POLL: variants seen among roughly 807,000 people sequenced by gnomAD.
POLL encodes DNA polymerase beta-2.
In POLL, 44 loss-of-function variants were observed where a neutral mutation model predicts 58.1. The ratio of observed to expected loss-of-function variants is 0.76; its 90% CI spans 0.60 to 0.97. POLL has a LOEUF of 0.97. Ranked by LOEUF, POLL falls within the 50% of genes least tolerant of loss-of-function variation. POLL has a pLI of 0.00. For missense variants in POLL, 632 were observed against 736.8 expected (o/e 0.86, Z 1.65); for synonymous variants, 290 against 283.2 (o/e 1.02, Z -0.24).
Position 101,579,652 on chromosome 10 carries a change from G to A in POLL, c.1529C>T (p.Ala510Val). 1 of 1,613,954 alleles carries A rather than the reference G, an allele frequency of 6.2e-7. No individual in the cohort carries two copies. Among genetic ancestry groups the A allele is most frequent in the Non-Finnish European group, 8.5e-7 (1 of 1,180,010 alleles). ...ACALLYFTGS[A>V]HFNRSMRALA... ...GGCTCGCATGGAGCGGTTGAAGTGT[G>A]CAGAGCCGGTGAAGTAGAGCAGGGC... The change falls in exon 9 of 9, where the codon GCA becomes GTA. Residue 510 changes from alanine (A) to valine (V), a missense_variant. Transcript: ENST00000370162. The surrounding 1 kb of genome is among the most constrained non-coding windows in gnomAD (Gnocchi z 4.4).
chr10:101,587,744 G>C, intron 1 of POLL, 78 bp downstream of exon 1: 1 of 1,183,304 alleles, frequency 8.5e-7, no homozygotes, highest in Non-Finnish European at 1.1e-6. Context: ...GGGATGCTGG[G>C]CTAGGAAATG....
intron 1 of POLL, 76 bp from the exon 2 acceptor site, chr10:101,587,482 T>C (rs1434582205): frequency 7.2e-7 from 1 of 1,383,932 alleles, no homozygotes; most frequent in Non-Finnish European, 9.5e-7. Flanking sequence ...GACCAGGCTT[T>C]GGGGGTAGCA....
rs1042601321 is a variant in POLL at position 101,586,076 on chromosome 10, C to T, written c.196G>A (p.Val66Ile). ...GGGCATAGCTGGCCGCCATGCTGAA[C>T]AATCTGCTTCTCAAAGAGTTCTGCC... is the stretch of plus-strand genomic sequence containing the variant. ...ARAELFEKQI[V>I]QHGGQLCPAQ... is the part of the protein sequence containing the mutation. Residue 66 changes from valine to isoleucine, a missense_variant, in exon 3 of 9, where the codon GTT becomes ATT. Val to Ile is a conservative substitution (Grantham distance 29). Transcript: ENST00000370162. 1.2e-6 allele frequency: 2 copies of T among 1,613,968 alleles called. No homozygotes were observed. The highest frequency in any genetic ancestry group is 1.3e-5 in the African/African-American group (1 of 74,942).
chr10:101,586,124 G>C lies in POLL; in HGVS notation c.148C>G (p.Arg50Gly), dbSNP rs746365299. 1 of 1,613,492 alleles carries C rather than the reference G, an allele frequency of 6.2e-7. No homozygotes were observed. Among genetic ancestry groups the C allele is most frequent in the Admixed American group, 1.7e-5 (1 of 60,024 alleles). ...GCCCGGGCTCGTCCAATGCCAGTGC[G>C]CACAACATGGGCCCGAAGGGAGCTC... ...WLSSLRAHVV[R>G]TGIGRARAEL... The change falls in exon 3 of 9, where the codon CGC becomes GGC. Residue 50 changes from arginine (R) to glycine (G), a missense_variant. Transcript: ENST00000370162.
rs986675581 is a variant in POLL, at chr10:101,580,475, C to T, written c.1195-59G>A. On this transcript the variant is annotated intron_variant, in intron 7 of 8. Coordinates refer to ENST00000370162, the MANE Select transcript of POLL (RefSeq NM_001174084.2). This position sits in a 1 kb window ranked among gnomAD's most constrained non-coding sequence, Gnocchi z 4.1. ...TGCGTGGGGAGCTCCTCTCCCACAG[C>T]AGTACAAGGGCCTTCCCAGACTCGG... 4 of 1,521,814 alleles carry T rather than the reference C, an allele frequency of 2.6e-6. No homozygotes were observed. Among genetic ancestry groups the T allele is most frequent in the Non-Finnish European group, 3.6e-6 (4 of 1,105,982 alleles). 94.3% of individuals were successfully genotyped at this position (1,521,814 alleles called of 1,614,324 possible). A position where few individuals can be genotyped will look rare whatever the true frequency, so the allele number is the denominator to read the frequency against.
At chr10:101,583,168 C>A in intron 6 of POLL, 1 of 602,330 alleles carries the variant, frequency 1.7e-6, no homozygotes, top group Non-Finnish European at 3.0e-6. Flanking sequence ...TACCAAGCTG[C>A]CCTGGTGATT....
At position 101,582,772 on chromosome 10, in the gene POLL, A is replaced by C; in HGVS notation, c.1185T>G (p.Ile395Met). ...TGGGACACCTGCTTACTGTCTGCTCAATCTCTGTAGCCTCCTCCCTGGGCA... is the reference window on the plus strand; with the variant it reads ...TGGGACACCTGCTTACTGTCTGCTCCATCTCTGTAGCCTCCTCCCTGGGCA... ...ERMPREEATEIEQTVQKAAQA... is the reference protein window; with the variant it reads ...ERMPREEATEMEQTVQKAAQA... The change falls in exon 7 of 9, where the codon ATT (isoleucine) becomes ATG (methionine). Residue 395 changes from isoleucine to methionine, a missense_variant. Physicochemically the swap from Ile to Met is conservative, Grantham distance 10. Coordinates refer to ENST00000370162, the MANE Select transcript of POLL (RefSeq NM_001174084.2). 1.2e-6 allele frequency: 2 copies of C among 1,614,068 alleles called. No individual in the cohort carries two copies. Among genetic ancestry groups the C allele is most frequent in the East Asian group, 2.2e-5 (1 of 44,888 alleles).
At chr10:101,587,018 CTT>C (rs1424564462) in intron 2 of POLL, 4 of 822,936 alleles carry the variant, frequency 4.9e-6, no homozygotes, top group Non-Finnish European at 7.7e-6. Context: ...CCCAGGGAGT[CTT>C]TTCTGATGGA....
In POLL at chr10:101,579,360, C is replaced by G; in HGVS notation, c.*93G>C. 7.0e-7 allele frequency: 1 copy of G among 1,434,420 alleles called. No homozygotes were observed. The highest frequency in any genetic ancestry group is 9.3e-7 in the Non-Finnish European group (1 of 1,071,058). 88.9% of individuals were successfully genotyped at this position (1,434,420 alleles called of 1,614,324 possible). ...CTGAGGAAGCTGGTGGTTGGAGCGG[C>G]GAGGTTCAGCCAGCTGAGGCTGGAG... On this transcript the variant is annotated 3_prime_UTR_variant, in exon 9 of 9. Coordinates refer to ENST00000370162, the MANE Select transcript of POLL (RefSeq NM_001174084.2). This position sits in a 1 kb window ranked among gnomAD's most constrained non-coding sequence, Gnocchi z 4.4.
Position 101,586,581 on chromosome 10 carries a change from T to C in POLL, c.116-425A>G, listed in dbSNP as rs936897943. Among the ~76,000 whole-genome samples, 3 of 151,560 alleles carry C rather than the reference T, an allele frequency of 2.0e-5. 1 individual carries two copies. In the South Asian group the frequency reaches 6.2e-4, roughly 31 times the overall value. On this transcript the variant is annotated intron_variant, in intron 2 of 8. Transcript: ENST00000370162. The stretch of plus-strand genomic sequence containing the variant: ...TCGTCTTGGCTCACTGCAACCTCCA[T>C]CTCCCGAGTTCAAGCGATTCTCATG...
Position 101,580,706 on chromosome 10 carries a change from A to G in POLL, c.1195-290T>C, listed in dbSNP as rs1490805110. 11 of 323,728 alleles carry G rather than the reference A, an allele frequency of 3.4e-5. No homozygotes were observed. In the Admixed American group the frequency reaches 5.1e-4, roughly 15 times the overall value. 20.1% of individuals were successfully genotyped at this position (323,728 alleles called of 1,614,324 possible). A position where few individuals can be genotyped will look rare whatever the true frequency, so the allele number is the denominator to read the frequency against. On this transcript the variant is annotated intron_variant, in intron 7 of 8. Coordinates refer to ENST00000370162, the MANE Select transcript of POLL (RefSeq NM_001174084.2). The surrounding 1 kb of genome is among the most constrained non-coding windows in gnomAD (Gnocchi z 4.1). ...TGAGCTTGCCCTGTGGAGCTCTTTA[A>G]GAGTAGGGAGACACAGACTCTCTCT...
rs754576253 is a variant in POLL at position 101,587,314 on chromosome 10, AT to A, written c.46del (p.Ile16PhefsTer26). Reference sequence around the variant, plus strand: ...TACTTTTGATGATGCATCAGCATGAATTTTCTGCCGCTTGGGAAATGCCTTC... The same window carrying A: ...TACTTTTGATGATGCATCAGCATGAATTTCTGCCGCTTGGGAAATGCCTTC... The part of the protein sequence containing the change: ...ILKAFPKRQK[I>X]HADASSKVLA... On this transcript the variant is annotated frameshift_variant, in exon 2 of 9. Coordinates refer to ENST00000370162, the MANE Select transcript of POLL (RefSeq NM_001174084.2). LOFTEE classifies it high-confidence loss of function. 6.2e-7 allele frequency: 1 copy of A among 1,614,112 alleles called. No homozygotes were observed. Among genetic ancestry groups the A allele is most frequent in the South Asian group, 1.1e-5 (1 of 91,074 alleles).
intron 5 of POLL, among the ~76,000 whole-genome samples, chr10:101,584,103 C>G (rs569286067): frequency 6.6e-6 from 1 of 152,276 alleles, no homozygotes; most frequent in African/African-American, 2.4e-5. Flanking sequence ...AGTAACTTGT[C>G]TGGAGTCACA....
intron 4 of POLL, 90 bp from the exon 5 acceptor site, chr10:101,585,009 G>T: frequency 2.3e-6 from 2 of 876,934 alleles, no homozygotes; most frequent in Non-Finnish European, 3.2e-6. Flanking sequence ...TTGTGCGGGG[G>T]GAGGGTCTTC....
rs1406528910 is a variant in POLL at position 101,584,632 on chromosome 10, C to T, written c.861G>A (p.Lys287=). 1 of 1,602,318 alleles carries T rather than the reference C, an allele frequency of 6.2e-7. No homozygotes were observed. The highest frequency in any genetic ancestry group is 1.7e-5 in the Admixed American group (1 of 58,200). Residue 287 remains lysine, a synonymous_variant, in exon 5 of 9, where the codon AAG becomes AAA. Coordinates refer to ENST00000370162, the MANE Select transcript of POLL (RefSeq NM_001174084.2). ...LGYAKAINAL[K]SFHKPVTSYQ... Reference sequence around the variant, plus strand: ...ACGAGGTGACAGGCTTATGGAAGCTCTTGAGGGCATTGATGGCCTTGGCAT... The same window carrying T: ...ACGAGGTGACAGGCTTATGGAAGCTTTTGAGGGCATTGATGGCCTTGGCAT...
In POLL at chr10:101,584,836, G is replaced by T. The variant is rs1201770213; in HGVS notation, c.657C>A (p.Tyr219Ter). The change falls in exon 5 of 9, where the codon TAC becomes TAA. Residue 219 changes from tyrosine to a stop codon, truncating the protein, a stop_gained. Coordinates refer to ENST00000370162, the MANE Select transcript of POLL (RefSeq NM_001174084.2). LOFTEE classifies it high-confidence loss of function. ...ADLEALISGHYPTSLEGDCEP... is the reference protein window; with the variant it reads ...ADLEALISGH Reference sequence around the variant, plus strand: ...CACAATCTCCCTCAAGGGAGGTGGGGTAGTGGCCACTGATGAGGGCTTCCA... The same window carrying T: ...CACAATCTCCCTCAAGGGAGGTGGGTTAGTGGCCACTGATGAGGGCTTCCA... 2 of 1,531,876 alleles carry T rather than the reference G, an allele frequency of 1.3e-6. No homozygotes were observed. The highest frequency in any genetic ancestry group is 1.8e-6 in the Non-Finnish European group (2 of 1,135,448). The allele number at this position is 1,531,876 out of a possible 1,614,324, so 94.9% of individuals were successfully genotyped here.
rs999272431 is a variant in POLL, at chr10:101,583,554, T to C, written c.1019A>G (p.Asn340Ser). Residue 340 changes from asparagine to serine, a missense_variant, in exon 6 of 9, where the codon AAC (asparagine) becomes AGC (serine). Transcript: ENST00000370162. ...AGTCTTGGTCCCAGCTCCCCAGATG[T>C]TGGAGAAGAGCTCCAAGACAGGCAC... ...ESVPVLELFS[N>S]IWGAGTKTAQ... 1.5e-5 allele frequency: 25 copies of C among 1,613,830 alleles called. No homozygotes were observed. Among genetic ancestry groups the C allele is most frequent in the East Asian group, 1.1e-4 (5 of 44,874 alleles).
intron 2 of POLL, 149 bp downstream of exon 2, chr10:101,587,097 T>C: frequency 6.3e-7 from 1 of 1,575,900 alleles, no homozygotes. Context: ...GGACCAAGCT[T>C]AGCACAAGGT....
rs1335339093 is a variant in POLL at position 101,584,883 on chromosome 10, T to G, written c.610A>C (p.Thr204Pro). Residue 204 changes from threonine (T) to proline (P), a missense_variant, in exon 5 of 9, where the codon ACC (threonine) becomes CCC (proline). Coordinates refer to ENST00000370162, the MANE Select transcript of POLL (RefSeq NM_001174084.2). ...SDDEASDGEE[T>P]QVSAADLEAL... ...TCCAGATCAGCTGCACTAACCTGGG[T>G]TTCTTCCCCATCACTGGCTTCATCA... is the stretch of plus-strand genomic sequence containing the variant. 1 of 1,435,470 alleles carries G rather than the reference T, an allele frequency of 7.0e-7. No homozygotes were observed. The highest frequency in any genetic ancestry group is 1.4e-5 in the African/African-American group (1 of 69,636). The allele number at this position is 1,435,470 out of a possible 1,614,324, so 88.9% of individuals were successfully genotyped here.
Sources: allele counts gnomAD v4.1 joint callset (sites outside exome capture counted in the v4.1 genomes callset), GRCh38; gene constraint gnomAD v4.1.1; non-coding constraint Gnocchi (gnomAD v3.1); transcripts MANE v1.5; gene names NCBI Gene and HGNC (gene_info 2026-07-23, HGNC 2026-07-21).